The following HOXD3 variants were observed in gnomAD, a reference collection of about 807,000 sequenced individuals.
HOXD3 encodes the protein homeobox protein Hox-D3.
In HOXD3, 13 loss-of-function variants were observed where a neutral mutation model predicts 32.8. The observed-to-expected ratio is 0.40, with a 90% confidence interval of 0.26 to 0.63. The LOEUF (loss-of-function observed/expected upper bound fraction) is 0.63, where lower values mean the gene tolerates loss of function less well. Ranked by LOEUF, HOXD3 falls within the 20% of genes least tolerant of loss-of-function variation. The probability of loss-of-function intolerance (pLI) is 0.44; values close to 1 mark genes in which losing one functional copy is unlikely to be tolerated. For missense variants in HOXD3, 504 were observed against 577.1 expected, an observed-to-expected ratio of 0.87 and a Z score of 1.30; for synonymous variants, 241 against 246.8, an observed-to-expected ratio of 0.98 and a Z score of 0.22.
chr2:176,155,560 C>G (rs1199551869), upstream of HOXD3, among the ~76,000 whole-genome samples: 1 of 152,164 alleles, frequency 6.6e-6, no homozygotes, highest in African/African-American at 2.4e-5. Flanking sequence ...AGCCCCCAAC[C>G]CTGAGGTCCC....
chr2:176,157,236 G>A (rs971974109), upstream of HOXD3, among the ~76,000 whole-genome samples: 1 of 152,150 alleles, frequency 6.6e-6, no homozygotes, highest in African/African-American at 2.4e-5. Context: ...AAGATGATAA[G>A]AATAGATTTC....
chr2:176,172,300 G>A lies in HOXD3; in HGVS notation c.*26G>A. 1.3e-6 allele frequency: 2 copies of A among 1,567,738 alleles called. No individual in the cohort carries two copies. Among genetic ancestry groups the A allele is most frequent in the Non-Finnish European group, 1.7e-6 (2 of 1,161,224 alleles). ...CGGCCGCCGCCAGCCCGAACTCGCG[G>A]CAAAATTACCTCTCTTGCTGTAGTG... On this transcript the variant is annotated 3_prime_UTR_variant, in exon 4 of 4. Coordinates refer to ENST00000683222, the MANE Select transcript of HOXD3 (RefSeq NM_006898.5).
intron 1 of HOXD3, among the ~76,000 whole-genome samples, chr2:176,159,481 C>T (rs1325634748): frequency 6.6e-6 from 1 of 152,218 alleles, no homozygotes; most frequent in East Asian, 1.9e-4. Flanking sequence ...GAGCATTTCA[C>T]TGTGCCTGAT....
Position 176,172,075 on chromosome 2 carries a change from C to T in HOXD3, c.1100C>T (p.Ala367Val). The T allele has an allele frequency of 1.2e-6, 2 of 1,610,550 alleles. No homozygotes were observed. The highest frequency in any genetic ancestry group is 1.7e-6 in the Non-Finnish European group (2 of 1,179,408). The change falls in exon 4 of 4, where the codon GCG becomes GTG. Residue 367 changes from alanine (A) to valine (V), a missense_variant. By Grantham distance (64) the Ala-to-Val change is moderately conservative. This residue lies in a region of HOXD3 where 226 missense variants were observed against 246.9 expected (regional missense o/e 0.92). Coordinates refer to ENST00000683222, the MANE Select transcript of HOXD3 (RefSeq NM_006898.5). ...YVGGNFVESM[A>V]PASGPVFNLG... ...GGCGGCAACTTCGTCGAGTCCATGG[C>T]GCCCGCGTCCGGGCCTGTCTTCAAC...
At chr2:176,155,762 G>T (rs1276940518), upstream of HOXD3, among the ~76,000 whole-genome samples, 1 of 152,220 alleles carries the variant, frequency 6.6e-6, no homozygotes, top group African/African-American at 2.4e-5. Flanking sequence ...ATATGAGCCA[G>T]AAGTGTTTGT....
intron 1 of HOXD3, among the ~76,000 whole-genome samples, chr2:176,159,630 G>A (rs1014412542): frequency 1.3e-5 from 2 of 152,252 alleles, no homozygotes; most frequent in African/African-American, 4.8e-5. Flanking sequence ...TCCGCTGCTG[G>A]CGCTGGCACG....
Position 176,157,429 on chromosome 2 carries a change from GC to G in HOXD3, c.-203del, listed in dbSNP as rs769898069. 7.2e-5 allele frequency among the ~76,000 whole-genome samples: 11 copies of G among 152,218 alleles called. 1 individual carries two copies. The South Asian group carries it at 2.3e-3, about 32-fold the overall frequency. ...CCCGGCCCTCCACCCCCGGCCCCCGGCGGGCGCGGGAGCGCGGCCGCAGGTA... is the reference window on the plus strand; with the variant it reads ...CCCGGCCCTCCACCCCCGGCCCCCGGGGGCGCGGGAGCGCGGCCGCAGGTA... On this transcript the variant is annotated 5_prime_UTR_variant, in exon 1 of 4. Coordinates refer to ENST00000683222, the MANE Select transcript of HOXD3 (RefSeq NM_006898.5).
intron 2 of HOXD3, among the ~76,000 whole-genome samples, chr2:176,166,711 T>C (rs1181152079): frequency 6.6e-6 from 1 of 152,216 alleles, no homozygotes; most frequent in Admixed American, 6.5e-5. Context: ...AAACAATTTC[T>C]ACAACATAGT....
chr2:176,157,430 C>G lies in HOXD3; in HGVS notation c.-203C>G, dbSNP rs2551802. Among the ~76,000 whole-genome samples, 116,249 of 152,002 alleles carry G rather than the reference C, an allele frequency of 0.76. 45,146 individuals carry two copies. The highest frequency in any genetic ancestry group is 0.89 in the African/African-American group (37,104 of 41,496). Reference sequence around the variant, plus strand: ...CCGGCCCTCCACCCCCGGCCCCCGGCGGGCGCGGGAGCGCGGCCGCAGGTA... The same window carrying G: ...CCGGCCCTCCACCCCCGGCCCCCGGGGGGCGCGGGAGCGCGGCCGCAGGTA... On this transcript the variant is annotated 5_prime_UTR_variant, in exon 1 of 4. Coordinates refer to ENST00000683222, the MANE Select transcript of HOXD3 (RefSeq NM_006898.5).
At chr2:176,156,085 G>C (rs1358423867), upstream of HOXD3, among the ~76,000 whole-genome samples, 1 of 152,220 alleles carries the variant, frequency 6.6e-6, no homozygotes, top group Non-Finnish European at 1.5e-5. Context: ...TCTCCCTCCT[G>C]TTTGGTGCCT....
At chr2:176,170,127 A>C (rs1691124217) in intron 3 of HOXD3, among the ~76,000 whole-genome samples, 1 of 152,214 alleles carries the variant, frequency 6.6e-6, no homozygotes, top group Non-Finnish European at 1.5e-5. Flanking sequence ...TTTTCAAAGA[A>C]CCTTTTGAGG....
chr2:176,156,297 G>A (rs986027484), upstream of HOXD3, among the ~76,000 whole-genome samples: 1 of 152,220 alleles, frequency 6.6e-6, no homozygotes, highest in African/African-American at 2.4e-5. Context: ...TATTTTGTGA[G>A]CATTGGGAAG....
chr2:176,153,120 C>CTG, upstream of HOXD3: 1 of 367,750 alleles, frequency 2.7e-6, no homozygotes, highest in Non-Finnish European at 5.3e-6. Context: ...CTCCCTAGAG[C>CTG]GGGATGGGGA....
intron 1 of HOXD3, among the ~76,000 whole-genome samples, chr2:176,160,029 G>A (rs1309835269): frequency 6.6e-6 from 1 of 152,242 alleles, no homozygotes; most frequent in Non-Finnish European, 1.5e-5. Flanking sequence ...GCGGTGACTC[G>A]GCTGCTGAGT....
At position 176,171,681 on chromosome 2, in the gene HOXD3, C is replaced by G; in HGVS notation, c.706C>G (p.Arg236Gly). ...GGCCAACCTGCTGAATCTCACGGAA[C>G]GCCAGATCAAGATCTGGTTCCAGAA... Reference protein sequence around the residue: ...EMANLLNLTERQIKIWFQNRR... With the variant: ...EMANLLNLTEGQIKIWFQNRR... The change falls in exon 4 of 4, where the codon CGC (arginine) becomes GGC (glycine). Residue 236 changes from arginine to glycine, a missense_variant. Physicochemically the swap from Arg to Gly is moderately radical, Grantham distance 125. Around this residue, in one of 3 missense-constraint regions of HOXD3, gnomAD observed 97 missense variants for 158.0 expected, o/e 0.61. Coordinates refer to ENST00000683222, the MANE Select transcript of HOXD3 (RefSeq NM_006898.5). 1 of 1,614,164 alleles carries G rather than the reference C, an allele frequency of 6.2e-7. No individual in the cohort carries two copies. Among genetic ancestry groups the G allele is most frequent in the Non-Finnish European group, 8.5e-7 (1 of 1,180,036 alleles).
intron 1 of HOXD3, among the ~76,000 whole-genome samples, chr2:176,160,048 C>G (rs933635683): frequency 3.3e-5 from 5 of 152,224 alleles, no homozygotes; most frequent in Non-Finnish European, 5.9e-5. Context: ...GTCCGCGGAA[C>G]GAGCCACGGA....
chr2:176,154,099 C>T (rs1389713663), upstream of HOXD3, among the ~76,000 whole-genome samples: 1 of 151,306 alleles, frequency 6.6e-6, no homozygotes, highest in East Asian at 1.9e-4. Context: ...TAGAAGTCCA[C>T]AAAAGTTAGC....
intron 1 of HOXD3, among the ~76,000 whole-genome samples, chr2:176,159,953 G>A (rs1230723479): frequency 6.6e-6 from 1 of 152,262 alleles, no homozygotes; most frequent in Non-Finnish European, 1.5e-5. Context: ...GGTGCTCAGG[G>A]ATCAGAGAGG....
intron 2 of HOXD3, among the ~76,000 whole-genome samples, chr2:176,166,969 G>C (rs1690991274): frequency 6.6e-6 from 1 of 152,228 alleles, no homozygotes; most frequent in African/African-American, 2.4e-5. Context: ...GACCAGGATG[G>C]AAGCCAGGGA....
Sources: allele counts gnomAD v4.1 joint callset (sites outside exome capture counted in the v4.1 genomes callset), GRCh38; gene constraint gnomAD v4.1.1; regional missense constraint gnomAD v4.1.1; transcripts MANE v1.5; gene names NCBI Gene and HGNC (gene_info 2026-07-23, HGNC 2026-07-21).